KIAA0586: variants seen among roughly 807,000 people sequenced by gnomAD.
KIAA0586 encodes KIAA0586.
A neutral mutation model predicts 169.8 loss-of-function variants in KIAA0586; 144 were observed. The observed-to-expected ratio is 0.85, with a 90% confidence interval of 0.74 to 0.97. The LOEUF (loss-of-function observed/expected upper bound fraction) is 0.97. Ranked by LOEUF, KIAA0586 falls within the 50% of genes least tolerant of loss-of-function variation. The pLI is 0.00. For synonymous variants in KIAA0586, 625 were observed against 612.4 expected (o/e 1.02, Z -0.30); for missense variants, 1,854 against 1,823.0 (o/e 1.02, Z -0.31).
rs1012047119 is a variant in KIAA0586 at position 58,468,676 on chromosome 14, A to G, written c.2442+754A>G. ...TCCAGCTGTAGAAGCTGAGGTCTTC[A>G]CTAGGTCTGGACAAAGGTGAACATG... On this transcript the variant is annotated intron_variant, in intron 16 of 30. Transcript: ENST00000652326. Among the ~76,000 whole-genome samples the G allele has an allele frequency of 2.0e-5, 3 of 152,206 alleles. No individual in the cohort carries two copies. The East Asian group carries it at 5.8e-4, about 29-fold the overall frequency.
chr14:58,469,458 A>G lies in KIAA0586; in HGVS notation c.2443-1155A>G, dbSNP rs1416159135. On this transcript the variant is annotated intron_variant, in intron 16 of 30. Transcript: ENST00000652326. ...CCACTAACCCAGTGGTGCAGCAGCT[A>G]TGGAGGCTTCGGGAGACCTGGGGAC... is the stretch of plus-strand genomic sequence containing the variant. Among the ~76,000 whole-genome samples the G allele has an allele frequency of 3.3e-5, 5 of 152,308 alleles. No homozygotes were observed. In the East Asian group the frequency reaches 7.7e-4, roughly 24 times the overall value.
At chr14:58,544,651 G>T (rs534729810) in intron 30 of KIAA0586, among the ~76,000 whole-genome samples, 2 of 152,226 alleles carry the variant, frequency 1.3e-5, no homozygotes, top group Non-Finnish European at 2.9e-5. Flanking sequence ...ATACTTGCTG[G>T]CCTCATGTAT....
intron 28 of KIAA0586, among the ~76,000 whole-genome samples, chr14:58,511,386 C>T (rs1403026898): frequency 1.3e-5 from 2 of 152,148 alleles, no homozygotes; most frequent in Non-Finnish European, 2.9e-5. Context: ...GTAGTTGTTA[C>T]TATTATCCCC....
intron 29 of KIAA0586, among the ~76,000 whole-genome samples, chr14:58,514,943 G>A (rs2044644921): frequency 6.6e-6 from 1 of 151,792 alleles, no homozygotes; most frequent in East Asian, 1.9e-4. Context: ...CAAATAAGAG[G>A]CTAGTTTTAA....
At chr14:58,477,281 C>A in intron 20 of KIAA0586, 40 bp downstream of exon 20, 1 of 1,074,330 alleles carries the variant, frequency 9.3e-7, no homozygotes, top group Non-Finnish European at 1.4e-6. Context: ...TATTAAAAGA[C>A]AAAAGCTTTA....
chr14:58,541,734 A>G (rs1195157404), intron 30 of KIAA0586, among the ~76,000 whole-genome samples: 1 of 152,242 alleles, frequency 6.6e-6, no homozygotes, highest in African/African-American at 2.4e-5. Context: ...AAAAATTGGA[A>G]TTTCAAATGT....
At chr14:58,506,184 A>C (rs1269072714) in intron 27 of KIAA0586, among the ~76,000 whole-genome samples, 1 of 152,274 alleles carries the variant, frequency 6.6e-6, no homozygotes, top group East Asian at 1.9e-4. Context: ...TCTTAGAAAA[A>C]TGTTGAACAA....
chr14:58,456,519 G>A (rs369665622), intron 9 of KIAA0586, among the ~76,000 whole-genome samples, 183 bp from the exon 10 acceptor site: 23 of 152,056 alleles, frequency 1.5e-4, no homozygotes, highest in African/African-American at 5.6e-4. Flanking sequence ...GTGATTTTCT[G>A]TGTTTCATTT....
At chr14:58,465,487 A>G (rs1798046374) in intron 14 of KIAA0586, among the ~76,000 whole-genome samples, 1 of 152,190 alleles carries the variant, frequency 6.6e-6, no homozygotes, top group African/African-American at 2.4e-5. Flanking sequence ...TTGTATGTCT[A>G]TTCAGGGGCT....
chr14:58,496,174 T>C (rs1198814178), intron 26 of KIAA0586, among the ~76,000 whole-genome samples: 2 of 152,180 alleles, frequency 1.3e-5, no homozygotes, highest in Non-Finnish European at 2.9e-5. Context: ...AAACTGTAAT[T>C]TGTACATATA....
intron 30 of KIAA0586, among the ~76,000 whole-genome samples, chr14:58,542,204 C>A (rs531793921): frequency 6.6e-6 from 1 of 152,092 alleles, no homozygotes. Flanking sequence ...TTCAGCCGGG[C>A]GCAGTGGCTC....
At chr14:58,538,998 T>G (rs1209321340) in intron 29 of KIAA0586, among the ~76,000 whole-genome samples, 1 of 152,188 alleles carries the variant, frequency 6.6e-6, no homozygotes, top group Non-Finnish European at 1.5e-5. Flanking sequence ...CAGGCTGGTC[T>G]TGAACTCCTA....
chr14:58,475,612 C>T (rs371354465), intron 19 of KIAA0586, among the ~76,000 whole-genome samples: 1 of 151,752 alleles, frequency 6.6e-6, no homozygotes, highest in Non-Finnish European at 1.5e-5. Flanking sequence ...ATGAAATGAA[C>T]GCTATTATTT....
Position 58,487,153 on chromosome 14 carries a change from A to G in KIAA0586, c.3291A>G (p.Ile1097Met). ...ATATGGCTTTTCCTGTGAAAGAAAT[A>G]TGTGCTGAAAAAGGTAGAAACTTTA... is the stretch of plus-strand genomic sequence containing the variant. The part of the protein sequence containing the change: ...DHDMAFPVKE[I>M]CAEKGDDMPA... The change falls in exon 22 of 31, where the codon ATA becomes ATG. Residue 1097 changes from isoleucine (I) to methionine (M), a missense_variant. Ile to Met is a conservative substitution (Grantham distance 10). Coordinates refer to ENST00000652326, the MANE Select transcript of KIAA0586 (RefSeq NM_001329943.3). The G allele has an allele frequency of 6.2e-7, 1 of 1,608,232 alleles. No homozygotes were observed. The highest frequency in any genetic ancestry group is 1.1e-5 in the South Asian group (1 of 89,274).
intron 10 of KIAA0586, 117 bp downstream of exon 10, chr14:58,456,927 T>TA: frequency 1.5e-6 from 1 of 645,948 alleles, no homozygotes; most frequent in East Asian, 2.7e-5. Flanking sequence ...CTGAAAAAGA[T>TA]ATGTCAGCCA....
chr14:58,520,505 G>T lies in KIAA0586; in HGVS notation c.4429+7878G>T, dbSNP rs573980863. Among the ~76,000 whole-genome samples, 7 of 132,774 alleles carry T rather than the reference G, an allele frequency of 5.3e-5. No homozygotes were observed. The East Asian group carries it at 1.1e-3, about 20-fold the overall frequency. The allele number at this position is 132,774 out of a possible 152,430, so 87.1% of individuals were successfully genotyped here. A position where few individuals can be genotyped will look rare whatever the true frequency, so the allele number is the denominator to read the frequency against. ...ACATAATGTTTTCTTTTAGTTTTTT[G>T]GGGTTTTGTTGTTGTTGTTGTTGTT... On this transcript the variant is annotated intron_variant, in intron 29 of 30. Transcript: ENST00000652326.
chr14:58,451,688 T>G (rs1236574861), intron 8 of KIAA0586, among the ~76,000 whole-genome samples: 1 of 152,084 alleles, frequency 6.6e-6, no homozygotes, highest in African/African-American at 2.4e-5. Context: ...AGTGCTAATA[T>G]ATGAACTTTT....
chr14:58,435,741 C>G (rs2037771095), intron 4 of KIAA0586, among the ~76,000 whole-genome samples: 1 of 151,982 alleles, frequency 6.6e-6, no homozygotes, highest in Non-Finnish European at 1.5e-5. Context: ...GAGTTTCACT[C>G]TTGTCACCCA....
At chr14:58,545,305 T>A (rs1358177556) in intron 30 of KIAA0586, among the ~76,000 whole-genome samples, 3 of 152,244 alleles carry the variant, frequency 2.0e-5, no homozygotes, top group Non-Finnish European at 4.4e-5. Context: ...GAATTCAGTA[T>A]GTTCCTTGAG....
Sources: allele counts gnomAD v4.1 joint callset (sites outside exome capture counted in the v4.1 genomes callset), GRCh38; gene constraint gnomAD v4.1.1; transcripts MANE v1.5; gene names NCBI Gene and HGNC (gene_info 2026-07-23, HGNC 2026-07-21).